S100A10: variants seen among roughly 807,000 people sequenced by gnomAD.
S100A10 encodes S100 calcium binding protein A10.
A neutral mutation model predicts 7.1 loss-of-function variants in S100A10; 3 were observed. The ratio of observed to expected loss-of-function variants is 0.42; its 90% CI spans 0.19 to 1.10. The LOEUF (loss-of-function observed/expected upper bound fraction) is 1.10. S100A10 is among the 50% of genes least tolerant of loss of function. S100A10 has a pLI of 0.29. For missense variants in S100A10, 101 were observed against 118.1 expected (o/e 0.86, Z 0.67); for synonymous variants, 41 against 39.3 (o/e 1.04, Z -0.16).
At chr1:151,987,789 A>G (rs1019212927) in intron 1 of S100A10, among the ~76,000 whole-genome samples, 1 of 152,078 alleles carries the variant, frequency 6.6e-6, no homozygotes, top group Admixed American at 6.5e-5. Flanking sequence ...CGGCCTCCCA[A>G]AGTGCTGGGA....
In S100A10 at chr1:151,993,450, A is replaced by C. The variant is rs1205568567; in HGVS notation, c.-22+302T>G. Among the ~76,000 whole-genome samples the C allele has an allele frequency of 6.6e-6, 1 of 152,178 alleles. No individual in the cohort carries two copies. Among genetic ancestry groups the C allele is most frequent in the Non-Finnish European group, 1.5e-5 (1 of 68,008 alleles). Reference sequence around the variant, plus strand: ...AAGGTGGGAGTAAAGCAACGCAAACATAAAGGGAGGAGGGAAGAGGTTCAG... The same window carrying C: ...AAGGTGGGAGTAAAGCAACGCAAACCTAAAGGGAGGAGGGAAGAGGTTCAG... On this transcript the variant is annotated intron_variant, in intron 1 of 2. Coordinates refer to ENST00000368811, the MANE Select transcript of S100A10 (RefSeq NM_002966.3). This position sits in a 1 kb window ranked among gnomAD's most constrained non-coding sequence, Gnocchi z 5.1.
chr1:151,982,946 G>T lies in S100A10; in HGVS notation c.*217C>A. On this transcript the variant is annotated 3_prime_UTR_variant, in exon 3 of 3. Coordinates refer to ENST00000368811, the MANE Select transcript of S100A10 (RefSeq NM_002966.3). ...ACTAAAAAAGAACTTTATTTATTGA[G>T]GGCAAGGGGATGCAAACAATACAAA... 1 of 372,608 alleles carries T rather than the reference G, an allele frequency of 2.7e-6. No individual in the cohort carries two copies. Among genetic ancestry groups the T allele is most frequent in the African/African-American group, 2.1e-5 (1 of 48,510 alleles). The allele number at this position is 372,608 out of a possible 1,614,324, so 23.1% of individuals were successfully genotyped here. A position where few individuals can be genotyped will look rare whatever the true frequency, so the allele number is the denominator to read the frequency against.
chr1:151,986,695 T>C lies in S100A10; in HGVS notation c.-21-444A>G, dbSNP rs144920131. Among the ~76,000 whole-genome samples the C allele has an allele frequency of 1.8e-3, 268 of 152,376 alleles. 6 individuals are homozygous for C. The East Asian group carries it at 0.027, about 15-fold the overall frequency. On this transcript the variant is annotated intron_variant, in intron 1 of 2. Coordinates refer to ENST00000368811, the MANE Select transcript of S100A10 (RefSeq NM_002966.3). ...TGAGTGAGATCATCTGGTAATTGTC[T>C]TTCTGTGCTTGGCTTATTTCACTAA...
At chr1:151,987,916 C>T (rs554854117) in intron 1 of S100A10, among the ~76,000 whole-genome samples, 1 of 152,136 alleles carries the variant, frequency 6.6e-6, no homozygotes, top group South Asian at 2.1e-4. Context: ...GTTGCTCTAC[C>T]CAAACAGAAA....
chr1:151,990,166 G>C (rs1377189475), intron 1 of S100A10, among the ~76,000 whole-genome samples: 1 of 152,238 alleles, frequency 6.6e-6, no homozygotes, highest in African/African-American at 2.4e-5. Context: ...CGATGTGAGA[G>C]CTGGGAAGGG....
At chr1:151,992,054 T>A (rs1655916376) in intron 1 of S100A10, among the ~76,000 whole-genome samples, 1 of 152,118 alleles carries the variant, frequency 6.6e-6, no homozygotes, top group Admixed American at 6.5e-5. Flanking sequence ...GAAGAAACTA[T>A]CCTCTGGCTG....
chr1:151,986,318 ATTT>A, intron 1 of S100A10, 67 bp from the exon 2 acceptor site: 2 of 1,109,514 alleles, frequency 1.8e-6, no homozygotes, highest in South Asian at 3.4e-5. Context: ...GCATGAATTT[ATTT>A]TTTTTAAATT....
intron 1 of S100A10, 110 bp from the exon 2 acceptor site, chr1:151,986,361 T>C (rs1489598365): frequency 1.3e-6 from 1 of 766,352 alleles, no homozygotes; most frequent in Non-Finnish European, 2.1e-6. Context: ...ATTTAATGTG[T>C]ACAACATGAT....
chr1:151,990,139 C>T (rs1319713802), intron 1 of S100A10, among the ~76,000 whole-genome samples: 1 of 152,160 alleles, frequency 6.6e-6, no homozygotes, highest in Non-Finnish European at 1.5e-5. Context: ...AGCCTTGTAG[C>T]TCAGAGCTCA....
Position 151,986,118 on chromosome 1 carries a change from T to A in S100A10, c.113A>T (p.Glu38Val), listed in dbSNP as rs774765015. Residue 38 changes from glutamate (E) to valine (V), a missense_variant, in exon 2 of 3, where the codon GAG becomes GTG. Transcript: ENST00000368811. Reference sequence around the variant, plus strand: ...ACTTACTTCCAAAAATCCAGGGAACTCCTTTTCCATGAGTACTCTCAGGTC... The same window carrying A: ...ACTTACTTCCAAAAATCCAGGGAACACCTTTTCCATGAGTACTCTCAGGTC... ...KEDLRVLMEK[E>V]FPGFLENQKD... 1.3e-6 allele frequency: 2 copies of A among 1,596,868 alleles called. No homozygotes were observed. Among genetic ancestry groups the A allele is most frequent in the African/African-American group, 2.7e-5 (2 of 73,526 alleles).
intron 1 of S100A10, 116 bp from the exon 2 acceptor site, chr1:151,986,367 AT>A: frequency 1.3e-6 from 1 of 742,708 alleles, no homozygotes; most frequent in Non-Finnish European, 2.1e-6. Flanking sequence ...TGTGTACAAC[AT>A]GATGTTTTCA....
At chr1:151,988,577 G>C (rs1655844882) in intron 1 of S100A10, among the ~76,000 whole-genome samples, 1 of 152,228 alleles carries the variant, frequency 6.6e-6, no homozygotes, top group South Asian at 2.1e-4. Flanking sequence ...ATGGGAACCA[G>C]CAGGCCAAAG....
chr1:151,984,334 C>T (rs1184228525), intron 2 of S100A10, among the ~76,000 whole-genome samples: 1 of 152,064 alleles, frequency 6.6e-6, no homozygotes, highest in Non-Finnish European at 1.5e-5. Context: ...AGCAGCATTT[C>T]CCACATGAGC....
chr1:151,986,250 G>A lies in S100A10; in HGVS notation c.-20C>T, dbSNP rs759501642. 1.1e-5 allele frequency: 17 copies of A among 1,585,374 alleles called. No homozygotes were observed. The highest frequency in any genetic ancestry group is 1.4e-5 in the Non-Finnish European group (16 of 1,169,794). ...TGGCATTTTGGTGTGGTCCGTTGAA[G>A]CCTATTAAAGGATGTAAAGTAACAG... On this transcript the variant is annotated splice_region_variant and 5_prime_UTR_variant, in exon 2 of 3. Transcript: ENST00000368811.
intron 1 of S100A10, among the ~76,000 whole-genome samples, chr1:151,986,771 C>CTTTTT (rs1655799550): frequency 6.6e-6 from 1 of 152,134 alleles, no homozygotes; most frequent in Non-Finnish European, 1.5e-5. Flanking sequence ...ACTTTTAAGC[C>CTTTTT]ATATGTATTG....
Position 151,983,282 on chromosome 1 carries a change from G to A in S100A10, c.175C>T (p.Leu59=). The change falls in exon 3 of 3, where the codon CTG becomes TTG. Residue 59 remains leucine (L), a synonymous_variant. Coordinates refer to ENST00000368811, the MANE Select transcript of S100A10 (RefSeq NM_002966.3). ...PLAVDKIMKD[L]DQCRDGKVGF... ...ACTTTGCCATCTCTACACTGGTCCA[G>A]GTCCTTCATTATTTTGTCCACAGCC... The A allele has an allele frequency of 6.3e-7, 1 of 1,580,314 alleles. No homozygotes were observed.
chr1:151,985,535 C>T (rs180714565), intron 2 of S100A10, among the ~76,000 whole-genome samples: 65 of 152,230 alleles, frequency 4.3e-4, no homozygotes, highest in African/African-American at 1.5e-3. Flanking sequence ...GGCTTTTATT[C>T]AGTAGATGAC....
chr1:151,983,477 T>C (rs929577712), intron 2 of S100A10, among the ~76,000 whole-genome samples, 153 bp from the exon 3 acceptor site: 7 of 139,642 alleles, frequency 5.0e-5, no homozygotes, highest in Admixed American at 1.4e-4. Context: ...CATCTAAATG[T>C]ATTTTTTTTT....
At chr1:151,983,853 G>A (rs574960360) in intron 2 of S100A10, among the ~76,000 whole-genome samples, 1 of 152,296 alleles carries the variant, frequency 6.6e-6, no homozygotes, top group East Asian at 1.9e-4. Flanking sequence ...GTGTATCAAC[G>A]ATGAATTGAG....
Sources: allele counts gnomAD v4.1 joint callset (sites outside exome capture counted in the v4.1 genomes callset), GRCh38; gene constraint gnomAD v4.1.1; non-coding constraint Gnocchi (gnomAD v3.1); transcripts MANE v1.5; gene names NCBI Gene and HGNC (gene_info 2026-07-23, HGNC 2026-07-21).